Variants in MIS18A observed in about 807,000 individuals in gnomAD.
The protein encoded by MIS18A is MIS18 kinetochore protein A.
Under a neutral mutation model 25.0 loss-of-function variants are expected in MIS18A, and 14 were observed. That is an observed-to-expected ratio of 0.56 (90% CI 0.37 to 0.88). MIS18A has a LOEUF of 0.88. Among genes scored for constraint, MIS18A ranks in the 40% least tolerant of loss-of-function variants. The probability of loss-of-function intolerance (pLI) is 0.00; values close to 1 mark genes in which losing one functional copy is unlikely to be tolerated. For missense variants in MIS18A, 292 were observed against 290.8 expected (o/e 1.00, Z -0.03); for synonymous variants, 134 against 118.6 (o/e 1.13, Z -0.84).
At chr21:32,155,588 C>T in the MIS18A span, among the ~76,000 whole-genome samples, 1 of 152,074 alleles carries the variant, frequency 6.6e-6, no homozygotes, top group Non-Finnish European at 1.5e-5. Flanking sequence ...CATTAGGGCA[C>T]CAACTGAAAA....
At chr21:32,195,081 A>G in the MIS18A span, among the ~76,000 whole-genome samples, 1 of 152,260 alleles carries the variant, frequency 6.6e-6, no homozygotes, top group African/African-American at 2.4e-5. Flanking sequence ...TAAAATTCAT[A>G]AAGTAAAAAG....
the MIS18A span, among the ~76,000 whole-genome samples, chr21:32,169,888 T>G: frequency 6.6e-6 from 1 of 151,984 alleles, no homozygotes; most frequent in Non-Finnish European, 1.5e-5. Context: ...CAACAAAACT[T>G]GAAGAGCAAG....
the MIS18A span, among the ~76,000 whole-genome samples, chr21:32,253,818 C>A: frequency 2.0e-5 from 3 of 152,014 alleles, no homozygotes; most frequent in African/African-American, 7.2e-5. Flanking sequence ...CCAAATTACT[C>A]AACATTCAAT....
chr21:32,194,664 T>TGA, the MIS18A span, among the ~76,000 whole-genome samples: 4 of 145,930 alleles, frequency 2.7e-5, no homozygotes, highest in African/African-American at 5.0e-5. Flanking sequence ...CGTCTCGAAT[T>TGA]AAAAAAAAAA....
the MIS18A span, among the ~76,000 whole-genome samples, chr21:32,174,878 C>T: frequency 2.6e-5 from 4 of 152,172 alleles, no homozygotes; most frequent in Non-Finnish European, 5.9e-5. Context: ...CTGGTCATAA[C>T]ACAAGTCTCA....
the MIS18A span, among the ~76,000 whole-genome samples, chr21:32,202,519 T>A: frequency 6.6e-6 from 1 of 152,184 alleles, no homozygotes; most frequent in East Asian, 1.9e-4. Context: ...TTTCTAAGTG[T>A]TCGAGGGTAT....
At chr21:32,203,591 G>A in the MIS18A span, among the ~76,000 whole-genome samples, 2 of 144,546 alleles carry the variant, frequency 1.4e-5, no homozygotes, top group African/African-American at 2.5e-5. Context: ...TCAATCAAGT[G>A]GGATAAAACA....
At chr21:32,231,733 G>A in the MIS18A span, among the ~76,000 whole-genome samples, 3 of 152,126 alleles carry the variant, frequency 2.0e-5, no homozygotes, top group Admixed American at 1.3e-4. Context: ...TAAACACGGT[G>A]AAACCTCGTC....
Position 32,274,824 on chromosome 21 carries a change from A to C in MIS18A, c.401+6T>G, listed in dbSNP as rs200017054. ...AACATATTCATATAAATACAGTTTT[A>C]CTCACCAACCATTTTCCTTTTCACG... On this transcript the variant is annotated splice_donor_region_variant and intron_variant, in intron 2 of 4. Transcript: ENST00000290130. 64 of 1,605,146 alleles carry C rather than the reference A, an allele frequency of 4.0e-5. No individual in the cohort carries two copies. The African/African-American group carries it at 8.0e-4, about 20-fold the overall frequency.
the MIS18A span, among the ~76,000 whole-genome samples, chr21:32,218,959 T>A: frequency 6.6e-6 from 1 of 151,700 alleles, no homozygotes; most frequent in Non-Finnish European, 1.5e-5. Flanking sequence ...TCCCAGCTTC[T>A]AGGGAGGCTG....
chr21:32,238,095 T>G, the MIS18A span, among the ~76,000 whole-genome samples: 6 of 152,194 alleles, frequency 3.9e-5, no homozygotes, highest in Non-Finnish European at 8.8e-5. Context: ...TGGCAGTGTC[T>G]CCACACTCAT....
the MIS18A span, among the ~76,000 whole-genome samples, chr21:32,168,901 C>T: frequency 6.6e-6 from 1 of 152,040 alleles, no homozygotes; most frequent in Non-Finnish European, 1.5e-5. Context: ...TCAGTGTAAA[C>T]AATCTACATA....
chr21:32,158,952 C>A, the MIS18A span, among the ~76,000 whole-genome samples: 1 of 152,198 alleles, frequency 6.6e-6, no homozygotes, highest in African/African-American at 2.4e-5. Flanking sequence ...AAATTCACCA[C>A]ACAAGATTCT....
At chr21:32,259,537 G>A in the MIS18A span, among the ~76,000 whole-genome samples, 3 of 152,148 alleles carry the variant, frequency 2.0e-5, no homozygotes, top group Non-Finnish European at 4.4e-5. Context: ...ATTCCAGGAC[G>A]GCATCTGACT....
the MIS18A span, among the ~76,000 whole-genome samples, chr21:32,164,242 A>T: frequency 2.0e-5 from 3 of 152,270 alleles, no homozygotes; most frequent in African/African-American, 7.2e-5. Flanking sequence ...AGTATAAAGC[A>T]TCCTGCACAG....
the MIS18A span, among the ~76,000 whole-genome samples, chr21:32,174,381 A>C: frequency 6.6e-6 from 1 of 152,208 alleles, no homozygotes; most frequent in South Asian, 2.1e-4. Flanking sequence ...GCAAGCACTA[A>C]TCAAAAGAAT....
chr21:32,220,712 C>G, the MIS18A span, among the ~76,000 whole-genome samples: 1 of 151,900 alleles, frequency 6.6e-6, no homozygotes, highest in East Asian at 1.9e-4. Flanking sequence ...TAACCCAATC[C>G]AAGGAAGCTA....
At chr21:32,272,090 A>C (rs1292025322) in intron 2 of MIS18A, among the ~76,000 whole-genome samples, 2 of 152,256 alleles carry the variant, frequency 1.3e-5, no homozygotes, top group Admixed American at 6.5e-5. Flanking sequence ...GCTAGTATTA[A>C]GGCAGCAACT....
intron 2 of MIS18A, among the ~76,000 whole-genome samples, chr21:32,271,444 T>C (rs1392199883): frequency 6.6e-6 from 1 of 152,208 alleles, no homozygotes; most frequent in Non-Finnish European, 1.5e-5. Context: ...ACTACATCAT[T>C]GTTTACTTAC....
Sources: gnomAD v4.1 joint callset for allele counts (sites outside exome capture counted in the v4.1 genomes callset) on GRCh38, gnomAD v4.1.1 for gene constraint, MANE v1.5 for transcripts, NCBI Gene and HGNC (gene_info 2026-07-23, HGNC 2026-07-21) for gene names.